Variants in CLEC4D observed in about 807,000 individuals in gnomAD.
CLEC4D encodes C-type (calcium dependent, carbohydrate-recognition domain) lectin, superfamily member 8.
CLEC4D carries 21 observed loss-of-function variants against 21.1 expected under a neutral mutation model. The ratio of observed to expected loss-of-function variants is 1.00; its 90% confidence interval spans 0.71 to 1.43. CLEC4D has a LOEUF of 1.43. Ranked by LOEUF, CLEC4D falls within the 40% of genes most tolerant of loss-of-function variation. The probability of loss-of-function intolerance (pLI) is 0.00; values close to 1 mark genes in which losing one functional copy is unlikely to be tolerated. For missense variants in CLEC4D, 289 were observed against 260.7 expected (o/e 1.11, Z -0.75); for synonymous variants, 85 against 83.1 (o/e 1.02, Z -0.12).
downstream of CLEC4D, among the ~76,000 whole-genome samples, chr12:8,524,231 TC>T (rs1258261951): frequency 2.0e-5 from 3 of 151,858 alleles, no homozygotes; most frequent in African/African-American, 7.3e-5. Flanking sequence ...TAGGGAGGAG[TC>T]CCTCCTTTTC....
downstream of CLEC4D, among the ~76,000 whole-genome samples, chr12:8,523,109 A>G (rs769334653): frequency 3.3e-5 from 5 of 152,146 alleles, no homozygotes; most frequent in African/African-American, 4.8e-5. Flanking sequence ...GCCTTATAGT[A>G]TAGTTTGAAG....
intron 2 of CLEC4D, among the ~76,000 whole-genome samples, chr12:8,516,778 CCAAATGCATGGTTGAAAATG>C (rs1940387616): frequency 6.6e-6 from 1 of 152,156 alleles, no homozygotes; most frequent in African/African-American, 2.4e-5. Context: ...CTTATGTGCT[CCAAATGCATGGTTGAAAATG>C]CTCAGAAGAG....
the CLEC4D span, among the ~76,000 whole-genome samples, chr12:8,527,574 A>G: frequency 6.6e-6 from 1 of 152,338 alleles, no homozygotes; most frequent in East Asian, 1.9e-4. Context: ...GCCTGAAGCT[A>G]CAGAAATGGG....
downstream of CLEC4D, among the ~76,000 whole-genome samples, chr12:8,527,353 G>T (rs1309814744): frequency 6.6e-6 from 1 of 152,184 alleles, no homozygotes; most frequent in East Asian, 1.9e-4. Context: ...AGGGGCCCAG[G>T]CCCACGGAGA....
the CLEC4D span, among the ~76,000 whole-genome samples, chr12:8,527,414 G>A: frequency 6.6e-6 from 1 of 152,188 alleles, no homozygotes; most frequent in Non-Finnish European, 1.5e-5. Flanking sequence ...GATCCTGCAG[G>A]GAAGCCCTGC....
the CLEC4D span, among the ~76,000 whole-genome samples, chr12:8,530,865 T>A: frequency 6.6e-6 from 1 of 152,202 alleles, no homozygotes; most frequent in Non-Finnish European, 1.5e-5. Context: ...ATATTACACT[T>A]ACAATGGCAA....
chr12:8,522,619 C>G (rs12316625), downstream of CLEC4D, among the ~76,000 whole-genome samples: 10,918 of 152,068 alleles, frequency 0.072, 764 homozygotes, highest in African/African-American at 0.18. Flanking sequence ...GCCATATTCA[C>G]TAAATTATGT....
the CLEC4D span, among the ~76,000 whole-genome samples, chr12:8,529,903 A>G: frequency 6.6e-6 from 1 of 152,214 alleles, no homozygotes; most frequent in Non-Finnish European, 1.5e-5. Flanking sequence ...ATAGAAATAG[A>G]AACATGGAAC....
the CLEC4D span, among the ~76,000 whole-genome samples, chr12:8,530,476 G>C: frequency 1.7e-5 from 2 of 120,100 alleles, no homozygotes; most frequent in African/African-American, 6.4e-5. Flanking sequence ...AAAAAAAAAA[G>C]CCCGAAGAAG....
At chr12:8,522,376 T>G (rs773299117), downstream of CLEC4D, 3 of 152,184 alleles carry the variant, frequency 2.0e-5, no homozygotes, top group Admixed American at 6.5e-5. Context: ...ATTTTCAATT[T>G]GCTAATTTTT....
Position 8,520,210 on chromosome 12 carries a change from T to A in CLEC4D, c.385-16T>A. ...CTGATTCATGCAACTATATTAAAAT[T>A]TACATTTTTATGCAGAACTTTATTA... is the stretch of plus-strand genomic sequence containing the variant. On this transcript the variant is annotated splice_polypyrimidine_tract_variant and intron_variant, in intron 4 of 5. Transcript: ENST00000299665. 6.2e-7 allele frequency: 1 copy of A among 1,612,582 alleles called. No homozygotes were observed. The highest frequency in any genetic ancestry group is 8.5e-7 in the Non-Finnish European group (1 of 1,178,968).
chr12:8,517,941 G>A (rs1306209699), intron 2 of CLEC4D, among the ~76,000 whole-genome samples: 3 of 151,704 alleles, frequency 2.0e-5, no homozygotes, highest in East Asian at 1.9e-4. Flanking sequence ...GCGAGACTCC[G>A]TCTCAGAAAA....
At chr12:8,525,178 G>T (rs1323293223), downstream of CLEC4D, among the ~76,000 whole-genome samples, 1 of 152,206 alleles carries the variant, frequency 6.6e-6, no homozygotes, top group Non-Finnish European at 1.5e-5. Flanking sequence ...ATATTCTGCT[G>T]ATTTGGGGTA....
intron 1 of CLEC4D, among the ~76,000 whole-genome samples, chr12:8,514,044 A>C (rs751837336): frequency 6.6e-6 from 1 of 152,150 alleles, no homozygotes; most frequent in Non-Finnish European, 1.5e-5. Context: ...CTTTTAAAGA[A>C]AAAAGAGAAA....
At chr12:8,526,408 C>T (rs1181696196), downstream of CLEC4D, among the ~76,000 whole-genome samples, 2 of 151,854 alleles carry the variant, frequency 1.3e-5, no homozygotes, top group Non-Finnish European at 2.9e-5. Context: ...TTTCTCTATT[C>T]TTGTCTGCAT....
intron 4 of CLEC4D, 42 bp downstream of exon 4, chr12:8,519,202 T>A (rs1351751263): frequency 6.3e-7 from 1 of 1,589,124 alleles, no homozygotes; most frequent in African/African-American, 1.4e-5. Context: ...CTGCTTTGAA[T>A]CTCTTTCCAG....
rs779497834 is a variant in CLEC4D, at chr12:8,521,211, T to C, written c.588T>C (p.Asp196=). Residue 196 remains aspartate, a synonymous_variant, in exon 6 of 6, where the codon GAT becomes GAC. Transcript: ENST00000299665. ...ACCAAGATAAATGGGCCTGGAATGA[T>C]GTTCCTTGTAACTTTGAAGCAAGTA... ...VYNQDKWAWN[D]VPCNFEASRI... The C allele has an allele frequency of 3.7e-6, 6 of 1,613,622 alleles. No individual in the cohort carries two copies. Among genetic ancestry groups the C allele is most frequent in the Non-Finnish European group, 5.1e-6 (6 of 1,179,736 alleles).
chr12:8,524,500 A>G (rs538487557), downstream of CLEC4D, among the ~76,000 whole-genome samples: 169 of 152,142 alleles, frequency 1.1e-3, no homozygotes, highest in Non-Finnish European at 1.8e-3. Flanking sequence ...AGGTATTTAT[A>G]GTATTCTCTG....
At chr12:8,520,160 C>A in intron 4 of CLEC4D, 66 bp from the exon 5 acceptor site, 1 of 1,576,212 alleles carries the variant, frequency 6.3e-7, no homozygotes, top group East Asian at 2.3e-5. Context: ...CATATTTCCT[C>A]TTTTTCCAAC....
Sources: allele counts gnomAD v4.1 joint callset (sites outside exome capture counted in the v4.1 genomes callset), GRCh38; gene constraint gnomAD v4.1.1; transcripts MANE v1.5; gene names NCBI Gene and HGNC (gene_info 2026-07-23, HGNC 2026-07-21).